The following IPO7 variants were observed in gnomAD, a reference collection of about 807,000 sequenced individuals.
IPO7 encodes the protein importin 7.
In IPO7, 13 loss-of-function variants were observed where a neutral mutation model predicts 136.4. The ratio of observed to expected loss-of-function variants is 0.10; its 90% CI spans 0.06 to 0.15. The LOEUF (loss-of-function observed/expected upper bound fraction) is 0.15, where lower values mean the gene tolerates loss of function less well. IPO7 is among the 10% of genes least tolerant of loss of function. The pLI, the probability that IPO7 is intolerant of heterozygous loss-of-function variation, is 1.00. For synonymous variants in IPO7, 403 were observed against 404.4 expected, an observed-to-expected ratio of 1.00 and a Z score of 0.04; for missense variants, 857 against 1,240.6, an observed-to-expected ratio of 0.69 and a Z score of 4.65.
chr11:9,431,960 G>C (rs1855300444), intron 16 of IPO7, among the ~76,000 whole-genome samples: 1 of 152,124 alleles, frequency 6.6e-6, no homozygotes, highest in African/African-American at 2.4e-5. Context: ...GGGCGACAGA[G>C]TGAGACACTG....
chr11:9,385,006 C>T (rs991355795), intron 1 of IPO7, among the ~76,000 whole-genome samples, 159 bp downstream of exon 1: 4 of 152,114 alleles, frequency 2.6e-5, no homozygotes, highest in African/African-American at 7.2e-5. Flanking sequence ...CGGGGCGCCT[C>T]GGTGTGGTGT....
intron 1 of IPO7, among the ~76,000 whole-genome samples, chr11:9,393,428 G>A (rs985218344): frequency 2.0e-5 from 3 of 152,116 alleles, no homozygotes; most frequent in African/African-American, 7.2e-5. Context: ...TGCCCAGGCT[G>A]GAGTGCAGTG....
At chr11:9,398,491 A>G (rs189143607) in intron 1 of IPO7, among the ~76,000 whole-genome samples, 52 of 152,376 alleles carry the variant, frequency 3.4e-4, no homozygotes, top group Admixed American at 1.6e-3. Flanking sequence ...GCTGTGAACC[A>G]GTTAACTGGT....
rs148726795 is a variant in IPO7 at position 9,446,329 on chromosome 11, T to G, written c.*1135T>G. 6.6e-6 allele frequency: 1 copy of G among 152,304 alleles called. No individual in the cohort carries two copies. Among genetic ancestry groups the G allele is most frequent in the East Asian group, 1.9e-4 (1 of 5,190 alleles). The allele number at this position is 152,304 out of a possible 1,614,324, so 9.4% of individuals were successfully genotyped here. On this transcript the variant is annotated 3_prime_UTR_variant, in exon 25 of 25. Transcript: ENST00000379719. ...TAGAAGGAGTACAAAATGCACACTTTACAAAATTGATATTTAACACTTACC... is the reference window on the plus strand; with the variant it reads ...TAGAAGGAGTACAAAATGCACACTTGACAAAATTGATATTTAACACTTACC...
intron 1 of IPO7, among the ~76,000 whole-genome samples, chr11:9,385,325 T>C (rs1171016764): frequency 6.6e-6 from 1 of 152,206 alleles, no homozygotes; most frequent in Non-Finnish European, 1.5e-5. Flanking sequence ...GTCACTTTGC[T>C]GGGCTGATCA....
chr11:9,437,671 A>G (rs1855398757), intron 20 of IPO7, 83 bp from the exon 21 acceptor site: 1 of 974,602 alleles, frequency 1.0e-6, no homozygotes, highest in African/African-American at 1.6e-5. Context: ...GGGTTAATTG[A>G]GGCAACAAAG....
chr11:9,441,069 A>G (rs1262825546), intron 23 of IPO7, among the ~76,000 whole-genome samples: 2 of 152,182 alleles, frequency 1.3e-5, no homozygotes, highest in African/African-American at 4.8e-5. Flanking sequence ...ATTAGCATTT[A>G]TGGCATATGA....
intron 1 of IPO7, among the ~76,000 whole-genome samples, chr11:9,399,244 A>C (rs1590429014): frequency 6.6e-6 from 1 of 151,278 alleles, no homozygotes; most frequent in Non-Finnish European, 1.5e-5. Flanking sequence ...GCTCACCACA[A>C]CCTCTGTCTC....
chr11:9,428,678 G>T, intron 13 of IPO7, 49 bp downstream of exon 13: 2 of 953,946 alleles, frequency 2.1e-6, no homozygotes, highest in South Asian at 2.6e-5. Flanking sequence ...TGTAATGAAT[G>T]ACTCTGTGGA....
intron 12 of IPO7, among the ~76,000 whole-genome samples, chr11:9,426,262 G>T (rs1342291679): frequency 1.3e-5 from 2 of 152,054 alleles, no homozygotes; most frequent in Non-Finnish European, 2.9e-5. Context: ...TTATATAAAT[G>T]GAATCATATA....
intron 1 of IPO7, chr11:9,392,168 A>AATCT (rs1854642534): frequency 2.9e-6 from 1 of 339,682 alleles, no homozygotes; most frequent in African/African-American, 2.7e-5. Context: ...CCTTTGTCAA[A>AATCT]TTCTTTTTTT....
In IPO7 at chr11:9,433,798, C is replaced by T; in HGVS notation, c.2026C>T (p.Pro676Ser). 1.2e-6 allele frequency: 2 copies of T among 1,611,460 alleles called. No individual in the cohort carries two copies. Among genetic ancestry groups the T allele is most frequent in the East Asian group, 4.5e-5 (2 of 44,880 alleles). ...GTCTCCACAGATGTGGCAGCTACTA[C>T]CCCTTGTATTTGAAGTCTTTCAGCA... ...QVSPQMWQLL[P>S]LVFEVFQQDG... Residue 676 changes from proline (P) to serine (S), a missense_variant, in exon 18 of 25, where the codon CCC becomes TCC. Transcript: ENST00000379719.
At chr11:9,443,532 G>A (rs1468253122) in intron 24 of IPO7, among the ~76,000 whole-genome samples, 10 of 149,628 alleles carry the variant, frequency 6.7e-5, no homozygotes, top group Admixed American at 2.0e-4. Context: ...TGGAGGTTGC[G>A]GTGAGCCGAG....
chr11:9,399,346 A>G (rs1448418798), intron 1 of IPO7, among the ~76,000 whole-genome samples: 2 of 152,076 alleles, frequency 1.3e-5, no homozygotes, highest in African/African-American at 4.8e-5. Flanking sequence ...TTTTTAGTAG[A>G]GACGGGGTTT....
At chr11:9,422,863 G>A in intron 8 of IPO7, 143 bp from the exon 9 acceptor site, 1 of 457,184 alleles carries the variant, frequency 2.2e-6, no homozygotes, top group Non-Finnish European at 3.9e-6. Context: ...TCAGAAATGA[G>A]TTAAATTATT....
At chr11:9,442,453 G>A (rs1590456401) in intron 24 of IPO7, among the ~76,000 whole-genome samples, 1 of 151,522 alleles carries the variant, frequency 6.6e-6, no homozygotes, top group South Asian at 2.1e-4. Flanking sequence ...TTGCTCTGTC[G>A]CCCAGGCTGT....
intron 5 of IPO7, among the ~76,000 whole-genome samples, chr11:9,416,192 CTA>C (rs1230169737): frequency 1.3e-5 from 2 of 152,172 alleles, no homozygotes; most frequent in Non-Finnish European, 2.9e-5. Context: ...GAAGAAAGAT[CTA>C]TGACTTCACC....
intron 16 of IPO7, among the ~76,000 whole-genome samples, chr11:9,432,322 C>T (rs1855306275): frequency 6.6e-6 from 1 of 151,910 alleles, no homozygotes; most frequent in Non-Finnish European, 1.5e-5. Flanking sequence ...CTGCCTCAGC[C>T]TCCTGAGTAA....
At chr11:9,443,547 C>T (rs1313340705) in intron 24 of IPO7, among the ~76,000 whole-genome samples, 4 of 146,288 alleles carry the variant, frequency 2.7e-5, no homozygotes, top group African/African-American at 5.1e-5. Flanking sequence ...GCCGAGGTCG[C>T]GCCATTGCAC....
Sources: allele counts gnomAD v4.1 joint callset (sites outside exome capture counted in the v4.1 genomes callset), GRCh38; gene constraint gnomAD v4.1.1; transcripts MANE v1.5; gene names NCBI Gene and HGNC (gene_info 2026-07-23, HGNC 2026-07-21).